The following SCN3B variants were observed in gnomAD, a reference collection of about 807,000 sequenced individuals.
SCN3B encodes sodium voltage-gated channel beta subunit 3.
Under a neutral mutation model 25.4 loss-of-function variants are expected in SCN3B, and 11 were observed. That is an observed-to-expected ratio of 0.43 (90% confidence interval 0.27 to 0.72). The LOEUF (loss-of-function observed/expected upper bound fraction) is 0.72. Ranked by LOEUF, SCN3B falls within the 30% of genes least tolerant of loss-of-function variation. The pLI, the probability that SCN3B is intolerant of heterozygous loss-of-function variation, is 0.18. For synonymous variants in SCN3B, 109 were observed against 110.7 expected (o/e 0.99, Z 0.09); for missense variants, 218 against 278.3 (o/e 0.78, Z 1.54).
At chr11:123,649,027 T>A (rs1424384772) in intron 2 of SCN3B, among the ~76,000 whole-genome samples, 1 of 152,168 alleles carries the variant, frequency 6.6e-6, no homozygotes, top group African/African-American at 2.4e-5. Context: ...GTGTTGGGAA[T>A]AAACTGATGA....
chr11:123,646,598 C>T (rs559514941), intron 2 of SCN3B, among the ~76,000 whole-genome samples: 11 of 152,200 alleles, frequency 7.2e-5, no homozygotes, highest in Non-Finnish European at 1.2e-4. Flanking sequence ...AAATCTGGAG[C>T]GGGGTCAGAT....
intron 5 of SCN3B, among the ~76,000 whole-genome samples, chr11:123,635,201 A>G (rs1349833791): frequency 1.3e-5 from 2 of 152,126 alleles, no homozygotes; most frequent in Non-Finnish European, 1.5e-5. Flanking sequence ...CTTTGTTTCT[A>G]TATAGATTAG....
rs758804553 is a variant in SCN3B, at chr11:123,642,151, G to T, written c.445+295C>A. On this transcript the variant is annotated intron_variant, in intron 4 of 6. Transcript: ENST00000299333. This position sits in a 1 kb window ranked among gnomAD's most constrained non-coding sequence, Gnocchi z 4.3. ...AGAAGAAGGCCTAGCTGAATCAGTA[G>T]CTTTAGGCCTCATGGAGGCTAGCCT... Among the ~76,000 whole-genome samples the T allele has an allele frequency of 6.6e-6, 1 of 152,198 alleles. No individual in the cohort carries two copies. The highest frequency in any genetic ancestry group is 1.5e-5 in the Non-Finnish European group (1 of 68,032).
At position 123,638,431 on chromosome 11, in the gene SCN3B, C is replaced by T. The variant is rs982513369; in HGVS notation, c.446-107G>A. 12 of 1,463,556 alleles carry T rather than the reference C, an allele frequency of 8.2e-6. No homozygotes were observed. The African/African-American group carries it at 1.7e-4, about 20-fold the overall frequency. 90.7% of individuals were successfully genotyped at this position (1,463,556 alleles called of 1,614,324 possible). On this transcript the variant is annotated intron_variant, in intron 4 of 6. Transcript: ENST00000299333. ...CTTAAATAAAGACTGAGTAAAGAAA[C>T]TCAAGAAGATGTCAAAGGTATTCCA...
At chr11:123,644,840 T>C (rs5023549) in intron 3 of SCN3B, among the ~76,000 whole-genome samples, 50,821 of 124,022 alleles carry the variant, frequency 0.41, 10,424 homozygotes, top group African/African-American at 0.49. Context: ...TATATATATA[T>C]ACACACACAC....
intron 2 of SCN3B, among the ~76,000 whole-genome samples, chr11:123,646,092 A>C (rs1399072946): frequency 6.6e-6 from 1 of 151,906 alleles, no homozygotes; most frequent in Non-Finnish European, 1.5e-5. Context: ...CTACCCAGCA[A>C]CCATCCATCC....
intron 1 of SCN3B, 43 bp from the exon 2 acceptor site, chr11:123,653,869 G>T: frequency 1.9e-6 from 3 of 1,567,114 alleles, no homozygotes; most frequent in Non-Finnish European, 2.6e-6. Flanking sequence ...CGCCCTCTCA[G>T]ATTCTTTCGA....
At chr11:123,637,989 TAA>T (rs1423051647) in intron 5 of SCN3B, among the ~76,000 whole-genome samples, 195 bp downstream of exon 5, 1 of 152,198 alleles carries the variant, frequency 6.6e-6, no homozygotes, top group East Asian at 1.9e-4. Flanking sequence ...CGTAATGAAT[TAA>T]GAGTTTGCCT....
chr11:123,643,878 C>A (rs1485706864), intron 3 of SCN3B, among the ~76,000 whole-genome samples: 1 of 152,228 alleles, frequency 6.6e-6, no homozygotes, highest in Non-Finnish European at 1.5e-5. Context: ...ACACCTGAGC[C>A]AGGCTCTGGG....
intron 4 of SCN3B, chr11:123,640,663 G>A (rs984166275): frequency 2.0e-5 from 3 of 152,196 alleles, no homozygotes; most frequent in Non-Finnish European, 4.4e-5. Flanking sequence ...CAAGCCCCTT[G>A]CTCTTGCAGA....
chr11:123,637,842 T>A (rs946581199), intron 5 of SCN3B, among the ~76,000 whole-genome samples: 3 of 152,178 alleles, frequency 2.0e-5, no homozygotes, highest in Admixed American at 2.0e-4. Context: ...ATAATAATAT[T>A]ACTTTAACGG....
chr11:123,638,873 C>T (rs1451338501), intron 4 of SCN3B: 1 of 193,650 alleles, frequency 5.2e-6, no homozygotes, highest in East Asian at 1.3e-4. Context: ...CCAACAAAGA[C>T]AGCCTCCATG....
At position 123,649,650 on chromosome 11, in the gene SCN3B, CTT is replaced by C. The variant is rs781650008; in HGVS notation, c.56-3902_56-3901del. Reference sequence around the variant, plus strand: ...TTTTCTTTCTTTCTTTTTTTTCTTTCTTTCTCTTTCTTTCTTTCTTTTTTTCC... The same window carrying C: ...TTTTCTTTCTTTCTTTTTTTTCTTTCTCTCTTTCTTTCTTTCTTTTTTTCC... On this transcript the variant is annotated intron_variant, in intron 2 of 6. Coordinates refer to ENST00000299333, the MANE Select transcript of SCN3B (RefSeq NM_001040151.2). 1.0e-3 allele frequency among the ~76,000 whole-genome samples: 146 copies of C among 144,416 alleles called. 1 individual carries two copies. In the East Asian group the frequency reaches 0.024, roughly 24 times the overall value. 94.7% of individuals were successfully genotyped at this position (144,416 alleles called of 152,430 possible).
intron 3 of SCN3B, among the ~76,000 whole-genome samples, chr11:123,644,800 A>AGAGAGAGAGAGAGAGAATATAT (rs1272015067): frequency 8.8e-5 from 4 of 45,576 alleles, no homozygotes; most frequent in African/African-American, 3.1e-4. Context: ...AGAGAGAGAG[A>AGAGAGAGAGAGAGAGAATATAT]ATATATATAT....
chr11:123,635,200 T>G (rs1213255197), intron 5 of SCN3B, among the ~76,000 whole-genome samples: 1 of 152,230 alleles, frequency 6.6e-6, no homozygotes, highest in African/African-American at 2.4e-5. Context: ...TCTTTGTTTC[T>G]ATATAGATTA....
At chr11:123,640,350 G>T (rs1345887608) in intron 4 of SCN3B, 1 of 152,262 alleles carries the variant, frequency 6.6e-6, no homozygotes, top group Non-Finnish European at 1.5e-5. Context: ...TTAGGGCCAG[G>T]AGGTGACAGC....
At position 123,631,393 on chromosome 11, in the gene SCN3B, A is replaced by G. The variant is rs1349169932; in HGVS notation, c.*2406T>C. The G allele has an allele frequency of 1.3e-5, 2 of 152,152 alleles. No homozygotes were observed. Among genetic ancestry groups the G allele is most frequent in the South Asian group, 2.1e-4 (1 of 4,820 alleles). 9.4% of individuals were successfully genotyped at this position (152,152 alleles called of 1,614,324 possible). A position where few individuals can be genotyped will look rare whatever the true frequency, so the allele number is the denominator to read the frequency against. ...CTGGAAAAATTTCACACTGAGGCCAATTTTTCTAACTATAAAGTTAAAAAG... is the reference window on the plus strand; with the variant it reads ...CTGGAAAAATTTCACACTGAGGCCAGTTTTTCTAACTATAAAGTTAAAAAG... On this transcript the variant is annotated 3_prime_UTR_variant, in exon 7 of 7. Coordinates refer to ENST00000299333, the MANE Select transcript of SCN3B (RefSeq NM_001040151.2).
chr11:123,651,373 C>CT (rs35858155), intron 2 of SCN3B, among the ~76,000 whole-genome samples: 14,809 of 148,110 alleles, frequency 0.1, 803 homozygotes, highest in African/African-American at 0.14. Context: ...GTTTTTCTTT[C>CT]TTTTTTTTTT....
intron 3 of SCN3B, among the ~76,000 whole-genome samples, chr11:123,644,948 C>T (rs1955838217): frequency 6.6e-6 from 1 of 151,534 alleles, no homozygotes; most frequent in South Asian, 2.1e-4. Flanking sequence ...GGCTATGGTG[C>T]AGGAGCAGAA....
Sources: gnomAD v4.1 joint callset for allele counts (sites outside exome capture counted in the v4.1 genomes callset) on GRCh38, gnomAD v4.1.1 for gene constraint, Gnocchi (gnomAD v3.1) non-coding constraint, MANE v1.5 for transcripts, NCBI Gene and HGNC (gene_info 2026-07-23, HGNC 2026-07-21) for gene names.